The following NKAIN2 variants were observed in gnomAD, a reference collection of about 807,000 sequenced individuals.
NKAIN2 encodes the protein sodium/potassium-transporting ATPase subunit beta-1-interacting protein 2.
In NKAIN2, 14 loss-of-function variants were observed where a neutral mutation model predicts 32.6. The observed-to-expected ratio is 0.43, with a 90% CI of 0.28 to 0.67. The LOEUF (loss-of-function observed/expected upper bound fraction) is 0.67, where lower values mean the gene tolerates loss of function less well. Among genes scored for constraint, NKAIN2 ranks in the 30% least tolerant of loss-of-function variants. The pLI, the probability that NKAIN2 is intolerant of heterozygous loss-of-function variation, is 0.17. For synonymous variants in NKAIN2, 80 were observed against 87.2 expected, an observed-to-expected ratio of 0.92 and a Z score of 0.46; for missense variants, 198 against 258.3, an observed-to-expected ratio of 0.77 and a Z score of 1.60.
At chr6:124,169,415 G>C (rs1029294070) in intron 1 of NKAIN2, among the ~76,000 whole-genome samples, 2 of 152,108 alleles carry the variant, frequency 1.3e-5, no homozygotes, top group Non-Finnish European at 2.9e-5. Flanking sequence ...ATGCCAAGCA[G>C]TGGGATTTGC....
intron 1 of NKAIN2, among the ~76,000 whole-genome samples, chr6:123,968,702 C>T (rs1378718478): frequency 3.3e-5 from 5 of 152,172 alleles, no homozygotes; most frequent in Admixed American, 3.3e-4. Flanking sequence ...TTGCCTGAAG[C>T]TGTGTGGATG....
chr6:124,231,215 A>G (rs770824776), intron 1 of NKAIN2, among the ~76,000 whole-genome samples: 3 of 152,072 alleles, frequency 2.0e-5, no homozygotes, highest in South Asian at 2.1e-4. Context: ...GTTTTGACCA[A>G]TCTCCCATTT....
rs188095184 is a variant in NKAIN2 at position 124,229,785 on chromosome 6, C to T, written c.55-53220C>T. ...TCCATGTAAAACTTGACTTGCTCCTCTTTGCCTTCTGCCATGATTATGAGG... is the reference window on the plus strand; with the variant it reads ...TCCATGTAAAACTTGACTTGCTCCTTTTTGCCTTCTGCCATGATTATGAGG... On this transcript the variant is annotated intron_variant, in intron 1 of 6. Transcript: ENST00000368417. 4.7e-4 allele frequency among the ~76,000 whole-genome samples: 71 copies of T among 152,260 alleles called. 1 individual carries two copies. The highest frequency in any genetic ancestry group is 3.5e-3 in the Admixed American group (53 of 15,284).
intron 4 of NKAIN2, among the ~76,000 whole-genome samples, chr6:124,712,304 T>G (rs1383697086): frequency 2.5e-5 from 3 of 121,672 alleles, no homozygotes; most frequent in African/African-American, 1.0e-4. Context: ...AGGTGGAGCC[T>G]ACAGAGGCAG....
chr6:124,809,362 G>C (rs1780764129), intron 5 of NKAIN2, among the ~76,000 whole-genome samples: 1 of 149,358 alleles, frequency 6.7e-6, no homozygotes, highest in East Asian at 2.0e-4. Flanking sequence ...TGACAAACCT[G>C]AGAAAAACAA....
chr6:124,752,406 T>C (rs1321644808), intron 4 of NKAIN2, among the ~76,000 whole-genome samples: 1 of 152,136 alleles, frequency 6.6e-6, no homozygotes, highest in Non-Finnish European at 1.5e-5. Flanking sequence ...AGTAACATTA[T>C]TCGCTTCTCT....
intron 3 of NKAIN2, among the ~76,000 whole-genome samples, chr6:124,370,960 T>A (rs9375327): frequency 0.095 from 14,431 of 152,128 alleles, 827 homozygotes; most frequent in East Asian, 0.14. Context: ...CATTGAGAAA[T>A]TTTTACACCC....
chr6:124,444,691 T>C (rs1583263592), intron 3 of NKAIN2, among the ~76,000 whole-genome samples: 1 of 152,148 alleles, frequency 6.6e-6, no homozygotes, highest in South Asian at 2.1e-4. Flanking sequence ...TGTTAGAGCA[T>C]ATTAAATATA....
At chr6:124,642,490 A>G (rs1562300665) in intron 3 of NKAIN2, among the ~76,000 whole-genome samples, 1 of 152,192 alleles carries the variant, frequency 6.6e-6, no homozygotes, top group Non-Finnish European at 1.5e-5. Context: ...AGGGTTTTCT[A>G]TGAGTGAGTG....
At chr6:124,692,688 C>T (rs879427353) in intron 4 of NKAIN2, among the ~76,000 whole-genome samples, 10 of 151,860 alleles carry the variant, frequency 6.6e-5, no homozygotes, top group Non-Finnish European at 8.8e-5. Flanking sequence ...TGGTGGCAGG[C>T]GCCTGTTGTC....
At chr6:124,649,223 T>C (rs1464684024) in intron 3 of NKAIN2, among the ~76,000 whole-genome samples, 1 of 152,138 alleles carries the variant, frequency 6.6e-6, no homozygotes, top group African/African-American at 2.4e-5. Flanking sequence ...AATAAATCAT[T>C]AGGCCTTTAG....
In NKAIN2 at chr6:124,825,081, T is replaced by C. The variant is rs1252164227; in HGVS notation, c.*1852T>C. 1 of 152,614 alleles carries C rather than the reference T, an allele frequency of 6.6e-6. No individual in the cohort carries two copies. The highest frequency in any genetic ancestry group is 1.5e-5 in the Non-Finnish European group (1 of 68,024). 9.5% of individuals were successfully genotyped at this position (152,614 alleles called of 1,614,324 possible). On this transcript the variant is annotated 3_prime_UTR_variant, in exon 7 of 7. Transcript: ENST00000368417. ...TATAGTGACATGCATGTTTAATGTA[T>C]GAGAAAAATATTTACCAATGTATTG...
chr6:124,425,006 A>G (rs1357031717), intron 3 of NKAIN2, among the ~76,000 whole-genome samples: 1 of 152,140 alleles, frequency 6.6e-6, no homozygotes, highest in Non-Finnish European at 1.5e-5. Context: ...TGGCTATACC[A>G]ATTAACATTC....
chr6:124,512,899 C>A (rs1436076130), intron 3 of NKAIN2, among the ~76,000 whole-genome samples: 1 of 151,910 alleles, frequency 6.6e-6, no homozygotes, highest in Admixed American at 6.6e-5. Flanking sequence ...ACTTGTAAAT[C>A]TACATGATGT....
intron 2 of NKAIN2, among the ~76,000 whole-genome samples, chr6:124,349,676 C>G (rs535809375): frequency 6.6e-6 from 1 of 152,240 alleles, no homozygotes; most frequent in Admixed American, 6.5e-5. Flanking sequence ...CTTATACTAC[C>G]TTGGTCTACC....
At chr6:124,763,867 G>T (rs1778383126) in intron 4 of NKAIN2, among the ~76,000 whole-genome samples, 1 of 152,158 alleles carries the variant, frequency 6.6e-6, no homozygotes, top group Non-Finnish European at 1.5e-5. Context: ...ATTAACAGTA[G>T]TCTGTATTAT....
chr6:124,314,100 C>A (rs1484822704), intron 2 of NKAIN2, among the ~76,000 whole-genome samples: 1 of 151,998 alleles, frequency 6.6e-6, no homozygotes, highest in Non-Finnish European at 1.5e-5. Flanking sequence ...ATTTAGGGAG[C>A]ACGGGTGGAT....
intron 3 of NKAIN2, among the ~76,000 whole-genome samples, chr6:124,564,390 A>G (rs1780821097): frequency 3.3e-5 from 5 of 152,348 alleles, no homozygotes; most frequent in Admixed American, 2.0e-4. Flanking sequence ...AAATGGACCA[A>G]TCAATGCTCT....
chr6:124,492,646 A>AT (rs1777910100), intron 3 of NKAIN2, among the ~76,000 whole-genome samples: 1 of 152,000 alleles, frequency 6.6e-6, no homozygotes, highest in Non-Finnish European at 1.5e-5. Context: ...GGTATCTTAG[A>AT]TTTTAAATGA....
Sources: allele counts gnomAD v4.1 joint callset (sites outside exome capture counted in the v4.1 genomes callset), GRCh38; gene constraint gnomAD v4.1.1; transcripts MANE v1.5; gene names NCBI Gene and HGNC (gene_info 2026-07-23, HGNC 2026-07-21).